Variants in FAM107A observed in about 807,000 individuals in gnomAD.
The protein encoded by FAM107A is family with sequence similarity 107 member A, also known as actin-associated protein FAM107A.
Under a neutral mutation model 13.7 loss-of-function variants are expected in FAM107A, and 19 were observed. The ratio of observed to expected loss-of-function variants is 1.38; its 90% CI spans 0.97 to 2.03. The LOEUF (loss-of-function observed/expected upper bound fraction) is 2.03. Among genes scored for constraint, FAM107A ranks in the 30% most tolerant of loss-of-function variants. The pLI, the probability that FAM107A is intolerant of heterozygous loss-of-function variation, is 0.00. For synonymous variants in FAM107A, 82 were observed against 74.5 expected (o/e 1.10, Z -0.52); for missense variants, 203 against 184.4 (o/e 1.10, Z -0.58).
chr3:58,568,821 G>A (rs1483368342), intron 2 of FAM107A, among the ~76,000 whole-genome samples: 1 of 152,150 alleles, frequency 6.6e-6, no homozygotes, highest in Non-Finnish European at 1.5e-5. Flanking sequence ...GTATTTCCCA[G>A]TCCTCCAAGG....
intron 1 of FAM107A, among the ~76,000 whole-genome samples, chr3:58,614,714 A>G (rs1280605360): frequency 1.3e-5 from 2 of 152,116 alleles, no homozygotes; most frequent in Non-Finnish European, 2.9e-5. Context: ...CATGTTGGCC[A>G]GGCTGGTCTT....
At chr3:58,594,090 A>C (rs1251606307) in intron 1 of FAM107A, among the ~76,000 whole-genome samples, 1 of 151,492 alleles carries the variant, frequency 6.6e-6, no homozygotes, top group Admixed American at 6.6e-5. Context: ...CACCTTCTCT[A>C]TGCTCTTTCC....
At chr3:58,579,381 T>C (rs1329277863), upstream of FAM107A, among the ~76,000 whole-genome samples, 3 of 152,162 alleles carry the variant, frequency 2.0e-5, no homozygotes, top group Admixed American at 2.0e-4. Flanking sequence ...CCTAAATTCT[T>C]GGGTATAAAA....
chr3:58,574,796 C>T (rs1018859467), intron 1 of FAM107A, among the ~76,000 whole-genome samples: 3 of 152,132 alleles, frequency 2.0e-5, no homozygotes, highest in Non-Finnish European at 4.4e-5. Flanking sequence ...CTGTTGGTGA[C>T]CCAAGAGGTC....
intron 1 of FAM107A, among the ~76,000 whole-genome samples, chr3:58,620,570 G>T (rs2065944752): frequency 6.6e-6 from 1 of 152,252 alleles, no homozygotes. Context: ...CATAAGACAG[G>T]ATGGGGAAAG....
At chr3:58,622,797 TA>T (rs1283369744) in intron 1 of FAM107A, among the ~76,000 whole-genome samples, 8 of 152,012 alleles carry the variant, frequency 5.3e-5, no homozygotes, top group Non-Finnish European at 7.4e-5. Context: ...TTGGGGGGGA[TA>T]TTTTTTCCTC....
chr3:58,591,493 G>A (rs920304543), upstream of FAM107A, among the ~76,000 whole-genome samples: 3 of 152,118 alleles, frequency 2.0e-5, no homozygotes, highest in Non-Finnish European at 4.4e-5. The surrounding 1 kb of genome is among the most constrained non-coding windows in gnomAD (Gnocchi z 4.3). Context: ...GGAGACAGGG[G>A]CCAACTTCCT....
chr3:58,580,253 T>A (rs934301444), upstream of FAM107A, among the ~76,000 whole-genome samples: 2 of 151,934 alleles, frequency 1.3e-5, no homozygotes, highest in African/African-American at 4.8e-5. Flanking sequence ...AGTTGGTATA[T>A]GTATAAAGAA....
At chr3:58,609,779 T>TC (rs1559485611) in intron 1 of FAM107A, among the ~76,000 whole-genome samples, 1 of 152,134 alleles carries the variant, frequency 6.6e-6, no homozygotes, top group Non-Finnish European at 1.5e-5. Flanking sequence ...GGGCCCAGAA[T>TC]CCCCCCATGA....
chr3:58,599,696 ATTTTTTTTTTTTTTTTTTTTT>A (rs57244654), intron 1 of FAM107A, among the ~76,000 whole-genome samples: 4,661 of 78,642 alleles, frequency 0.059, 248 homozygotes, highest in East Asian at 0.18. Context: ...CAAGTGCACC[ATTTTTTTTTTTTTTTTTTTTT>A]TTTTTTTTTT....
upstream of FAM107A, among the ~76,000 whole-genome samples, chr3:58,582,611 C>T (rs569061274): frequency 6.6e-6 from 1 of 152,334 alleles, no homozygotes; most frequent in Admixed American, 6.5e-5. Context: ...GACCACAATC[C>T]TGACTCCATT....
intron 1 of FAM107A, among the ~76,000 whole-genome samples, chr3:58,594,146 G>A (rs2065679044): frequency 6.6e-6 from 1 of 152,108 alleles, no homozygotes; most frequent in African/African-American, 2.4e-5. Flanking sequence ...AAAACCATTA[G>A]GGGCTTTTCA....
intron 1 of FAM107A, among the ~76,000 whole-genome samples, chr3:58,605,197 A>T (rs375067131): frequency 2.6e-5 from 4 of 152,108 alleles, no homozygotes; most frequent in South Asian, 4.1e-4. Context: ...GATGTCTAGG[A>T]TGAAGGTCTC....
chr3:58,627,113 T>C, intron 1 of FAM107A: 1 of 951,046 alleles, frequency 1.1e-6, no homozygotes, highest in Non-Finnish European at 1.6e-6. Context: ...CCCCCTGTCC[T>C]CTTGCGGCTC....
chr3:58,569,839 C>T lies in FAM107A; in HGVS notation c.22G>A (p.Glu8Lys), dbSNP rs2108040329. Residue 8 changes from glutamate (E) to lysine (K), a missense_variant, in exon 2 of 4, where the codon GAG becomes AAG. Coordinates refer to ENST00000360997, the MANE Select transcript of FAM107A (RefSeq NM_001076778.3). The surrounding 1 kb of genome is among the most constrained non-coding windows in gnomAD (Gnocchi z 5.7). The part of the protein sequence containing the change: MYSEIQR[E>K]RADIGGLMAR... Reference sequence around the variant, plus strand: ...ATCAGGCCCCCAATGTCTGCCCGCTCCCTCTGGATCTCCGAGTACATGGCG... The same window carrying T: ...ATCAGGCCCCCAATGTCTGCCCGCTTCCTCTGGATCTCCGAGTACATGGCG... The T allele has an allele frequency of 6.2e-7, 1 of 1,614,068 alleles. No homozygotes were observed. Among genetic ancestry groups the T allele is most frequent in the East Asian group, 2.2e-5 (1 of 44,894 alleles).
In FAM107A at chr3:58,569,703, A is replaced by G. The variant is rs1352904359; in HGVS notation, c.158T>C (p.Met53Thr). The change falls in exon 2 of 4, where the codon ATG (methionine) becomes ACG (threonine). Residue 53 changes from methionine (M) to threonine (T), a missense_variant. Physicochemically the swap from Met to Thr is moderately conservative, Grantham distance 81. Transcript: ENST00000360997. The surrounding 1 kb of genome is among the most constrained non-coding windows in gnomAD (Gnocchi z 5.7). ...SHQELHRELL[M>T]NHRRGLGVDS... is the part of the protein sequence containing the mutation. ...GCTTCATCCCTACCTTCTGTGGTTC[A>G]TGAGCAGCTCCCGGTGGAGCTCCTG... 1.9e-6 allele frequency: 3 copies of G among 1,613,336 alleles called. No homozygotes were observed. Among genetic ancestry groups the G allele is most frequent in the Admixed American group, 1.7e-5 (1 of 59,888 alleles).
chr3:58,593,331 T>C (rs140068493), intron 1 of FAM107A, among the ~76,000 whole-genome samples: 2 of 152,306 alleles, frequency 1.3e-5, no homozygotes, highest in African/African-American at 4.8e-5. Flanking sequence ...TCACCCCCAC[T>C]ACTTGGACTG....
intron 1 of FAM107A, among the ~76,000 whole-genome samples, chr3:58,575,752 G>C (rs1338187054): frequency 4.6e-5 from 7 of 152,218 alleles, no homozygotes; most frequent in Non-Finnish European, 7.3e-5. Context: ...CCTAGCCTAC[G>C]TGAAATGCAA....
At chr3:58,587,486 T>A (rs1009243589), upstream of FAM107A, among the ~76,000 whole-genome samples, 190 of 81,830 alleles carry the variant, frequency 2.3e-3, 3 homozygotes, top group South Asian at 0.035. Context: ...TGTGTGTGTG[T>A]GTGTGTGTGT....
Sources: gnomAD v4.1 joint callset for allele counts (sites outside exome capture counted in the v4.1 genomes callset) on GRCh38, gnomAD v4.1.1 for gene constraint, Gnocchi (gnomAD v3.1) non-coding constraint, MANE v1.5 for transcripts, NCBI Gene and HGNC (gene_info 2026-07-23, HGNC 2026-07-21) for gene names.